The following DPY19L2 variants were observed in gnomAD, a reference collection of about 807,000 sequenced individuals.
The protein encoded by DPY19L2 is probable C-mannosyltransferase DPY19L2.
Under a neutral mutation model 97.9 loss-of-function variants are expected in DPY19L2, and 34 were observed. The ratio of observed to expected loss-of-function variants is 0.35; its 90% CI spans 0.26 to 0.46. The LOEUF is 0.46. Ranked by LOEUF, DPY19L2 falls within the 20% of genes least tolerant of loss-of-function variation. DPY19L2 has a pLI of 1.00. For synonymous variants in DPY19L2, 230 were observed against 307.9 expected (o/e 0.75, Z 2.65); for missense variants, 623 against 911.4 (o/e 0.68, Z 4.07).
chr12:63,617,201 A>C, intron 11 of DPY19L2, 103 bp downstream of exon 11: 1 of 649,902 alleles, frequency 1.5e-6, no homozygotes. Context: ...ATGTTGAGTG[A>C]TAATCAGGAA....
rs767797160 is a variant in DPY19L2, at chr12:63,582,472, A to G, written c.1659T>C (p.Ile553=). Residue 553 remains isoleucine (I), a synonymous_variant, in exon 18 of 22, where the codon ATT becomes ATC. Transcript: ENST00000324472. ...LLVFTALAIL[I]MRLKMFLTPH... The stretch of plus-strand genomic sequence containing the variant: ...GTGTCAAAAACATCTTTAGCCTCAT[A>G]ATTAAAATGGCAAGGGCAGTAAACA... 1 of 1,613,686 alleles carries G rather than the reference A, an allele frequency of 6.2e-7. No homozygotes were observed. Among genetic ancestry groups the G allele is most frequent in the South Asian group, 1.1e-5 (1 of 91,040 alleles).
intron 21 of DPY19L2, 142 bp from the exon 22 acceptor site, chr12:63,560,804 A>G: frequency 7.9e-7 from 1 of 1,258,020 alleles, no homozygotes; most frequent in Non-Finnish European, 1.1e-6. Flanking sequence ...AACAATTTCA[A>G]TGTTTAGAAA....
chr12:63,586,694 A>C (rs1220450170), intron 16 of DPY19L2, among the ~76,000 whole-genome samples: 2 of 152,234 alleles, frequency 1.3e-5, no homozygotes, highest in African/African-American at 4.8e-5. Context: ...AATACTGGTA[A>C]GAAGCTTAAA....
At chr12:63,582,215 T>A (rs1881056066) in intron 18 of DPY19L2, among the ~76,000 whole-genome samples, 191 bp downstream of exon 18, 1 of 152,270 alleles carries the variant, frequency 6.6e-6, no homozygotes, top group Non-Finnish European at 1.5e-5. Context: ...CAGAAATACT[T>A]TTCAAAGCCA....
chr12:63,576,310 A>C (rs1371611581), intron 19 of DPY19L2, among the ~76,000 whole-genome samples: 1 of 152,032 alleles, frequency 6.6e-6, no homozygotes, highest in Non-Finnish European at 1.5e-5. Context: ...TAAAGAAGCT[A>C]TATACAGCAA....
chr12:63,646,712 T>TA (rs1893460874), intron 5 of DPY19L2, among the ~76,000 whole-genome samples: 1 of 152,142 alleles, frequency 6.6e-6, no homozygotes, highest in Admixed American at 6.5e-5. Context: ...GGAAAGCTGT[T>TA]AGATGATTCC....
At chr12:63,580,925 A>G (rs536271255) in intron 18 of DPY19L2, 89 bp from the exon 19 acceptor site, 105 of 1,348,010 alleles carry the variant, frequency 7.8e-5, no homozygotes, top group African/African-American at 1.5e-5. Flanking sequence ...ACTCAAACCA[A>G]TGTGAATTAC....
At chr12:63,634,224 C>G (rs1258675268) in intron 6 of DPY19L2, among the ~76,000 whole-genome samples, 1 of 151,952 alleles carries the variant, frequency 6.6e-6, no homozygotes, top group Non-Finnish European at 1.5e-5. Flanking sequence ...TAAAAATAAT[C>G]AAAGTAAGAT....
At chr12:63,607,833 G>A (rs2202644) in intron 12 of DPY19L2, among the ~76,000 whole-genome samples, 92,044 of 150,760 alleles carry the variant, frequency 0.61, 28,809 homozygotes, top group African/African-American at 0.74. Flanking sequence ...GGGTTTTGCC[G>A]TGTTGCCCAG....
chr12:63,576,181 G>GA (rs1215132011), intron 19 of DPY19L2, among the ~76,000 whole-genome samples: 5 of 151,950 alleles, frequency 3.3e-5, no homozygotes, highest in Admixed American at 6.5e-5. Flanking sequence ...CAATGAAGGG[G>GA]AAAAATCATA....
At chr12:63,570,897 T>G in intron 19 of DPY19L2, 40 bp from the exon 20 acceptor site, 1 of 1,583,886 alleles carries the variant, frequency 6.3e-7, no homozygotes, top group Non-Finnish European at 8.6e-7. Context: ...ATTAAATGTT[T>G]TAAAGAAAAT....
chr12:63,668,564 T>G (rs1896613368), upstream of DPY19L2: 1 of 696,376 alleles, frequency 1.4e-6, no homozygotes. Flanking sequence ...GCGCATGCGT[T>G]GGAAGCCATT....
rs569976760 is a variant in DPY19L2 at position 63,630,738 on chromosome 12, C to G, written c.804-4212G>C. 1.1e-4 allele frequency among the ~76,000 whole-genome samples: 17 copies of G among 152,226 alleles called. No individual in the cohort carries two copies. The East Asian group carries it at 1.5e-3, about 14-fold the overall frequency. The stretch of plus-strand genomic sequence containing the variant: ...GCACCTAATAGACATCTACAGAACT[C>G]TCCATCCCAAATCAACAGAATATAC... On this transcript the variant is annotated intron_variant, in intron 6 of 21. Transcript: ENST00000324472.
At chr12:63,608,791 G>A (rs1886478017) in intron 11 of DPY19L2, 116 bp from the exon 12 acceptor site, 1 of 736,142 alleles carries the variant, frequency 1.4e-6, no homozygotes, top group South Asian at 2.0e-5. Flanking sequence ...GCTATCACCA[G>A]CCATTTTCCT....
intron 6 of DPY19L2, among the ~76,000 whole-genome samples, chr12:63,633,598 AC>A (rs1293561246): frequency 6.6e-6 from 1 of 152,142 alleles, no homozygotes; most frequent in Non-Finnish European, 1.5e-5. Flanking sequence ...AAATAGGAAC[AC>A]TTTTACACTG....
intron 19 of DPY19L2, among the ~76,000 whole-genome samples, chr12:63,573,142 T>C (rs531173043): frequency 3.3e-5 from 5 of 152,224 alleles, no homozygotes; most frequent in South Asian, 4.2e-4. Flanking sequence ...GACAGAGATA[T>C]GTGGCCTTTC....
intron 9 of DPY19L2, among the ~76,000 whole-genome samples, chr12:63,619,267 C>T (rs1267815716): frequency 2.0e-5 from 3 of 152,084 alleles, no homozygotes; most frequent in African/African-American, 7.2e-5. Context: ...ATGGTGACAC[C>T]TCATCGCTAC....
At chr12:63,586,105 A>G (rs926732718) in intron 16 of DPY19L2, among the ~76,000 whole-genome samples, 2 of 152,184 alleles carry the variant, frequency 1.3e-5, no homozygotes, top group African/African-American at 4.8e-5. Context: ...AACAACACAC[A>G]CACATCACCC....
chr12:63,631,280 C>G (rs1021316905), intron 6 of DPY19L2, among the ~76,000 whole-genome samples: 2 of 152,004 alleles, frequency 1.3e-5, no homozygotes, highest in Admixed American at 1.3e-4. Context: ...AATCCAGGAG[C>G]TGGTTTTTGG....
Sources: allele counts gnomAD v4.1 joint callset (sites outside exome capture counted in the v4.1 genomes callset), GRCh38; gene constraint gnomAD v4.1.1; transcripts MANE v1.5; gene names NCBI Gene and HGNC (gene_info 2026-07-23, HGNC 2026-07-21).